HHAT: variants seen among roughly 807,000 people sequenced by gnomAD.
HHAT encodes the protein protein-cysteine N-palmitoyltransferase HHAT.
A neutral mutation model predicts 70.8 loss-of-function variants in HHAT; 47 were observed. The observed-to-expected ratio is 0.66, with a 90% CI of 0.53 to 0.85. The LOEUF (loss-of-function observed/expected upper bound fraction) is 0.85, where lower values mean the gene tolerates loss of function less well. Ranked by LOEUF, HHAT falls within the 40% of genes least tolerant of loss-of-function variation. HHAT has a pLI of 0.00. For synonymous variants in HHAT, 228 were observed against 247.6 expected (o/e 0.92, Z 0.74); for missense variants, 609 against 604.8 (o/e 1.01, Z -0.07).
At chr1:210,384,962 C>T (rs1402853004) in intron 3 of HHAT, among the ~76,000 whole-genome samples, 1 of 152,140 alleles carries the variant, frequency 6.6e-6, no homozygotes, top group Admixed American at 6.5e-5. Context: ...GAAGAATAGA[C>T]ATGAGAGAGA....
chr1:210,612,207 G>A (rs77688510), intron 10 of HHAT, among the ~76,000 whole-genome samples: 2,842 of 152,096 alleles, frequency 0.019, 93 homozygotes, highest in African/African-American at 0.065. Flanking sequence ...AACCACATTT[G>A]GGTATACAAT....
intron 7 of HHAT, among the ~76,000 whole-genome samples, chr1:210,431,948 T>C (rs750510741): frequency 8.6e-5 from 13 of 151,912 alleles, no homozygotes; most frequent in Non-Finnish European, 1.6e-4. Flanking sequence ...TTTATTCGAC[T>C]CTTAAAACAA....
At chr1:210,578,709 A>G (rs2148760001) in intron 9 of HHAT, among the ~76,000 whole-genome samples, 1 of 152,368 alleles carries the variant, frequency 6.6e-6, no homozygotes, top group South Asian at 2.1e-4. Context: ...ATTCAGTGAG[A>G]TAAGCCTGTA....
chr1:210,329,482 AAGTTAG>A (rs1349238231), intron 1 of HHAT: 1 of 1,021,666 alleles, frequency 9.8e-7, no homozygotes, highest in Non-Finnish European at 1.2e-6. Flanking sequence ...AGGGACTCTA[AAGTTAG>A]AGACTTCCTT....
chr1:210,370,163 C>CTT lies in HHAT; in HGVS notation c.159+7269_159+7270dup, dbSNP rs200442278. 9.2e-4 allele frequency among the ~76,000 whole-genome samples: 112 copies of CTT among 122,358 alleles called. 4 individuals are homozygous for CTT. Among genetic ancestry groups the CTT allele is most frequent in the Admixed American group, 2.1e-3 (25 of 11,804 alleles). The allele number at this position is 122,358 out of a possible 152,430, so 80.3% of individuals were successfully genotyped here. Reference sequence around the variant, plus strand: ...TATTTTCTCCTAGCTTCTTCAATGACTTTTTTTTTTTTTTTTTTTTTTTTT... The same window carrying CTT: ...TATTTTCTCCTAGCTTCTTCAATGACTTTTTTTTTTTTTTTTTTTTTTTTTTT... On this transcript the variant is annotated intron_variant, in intron 3 of 11. Coordinates refer to ENST00000261458, the MANE Select transcript of HHAT (RefSeq NM_018194.6).
intron 11 of HHAT, 151 bp downstream of exon 11, chr1:210,623,821 C>T: frequency 2.3e-6 from 2 of 867,286 alleles, no homozygotes; most frequent in Non-Finnish European, 3.5e-6. Flanking sequence ...GGAATAATTT[C>T]CTAAGTTTGA....
intron 11 of HHAT, among the ~76,000 whole-genome samples, chr1:210,639,606 C>T (rs1264800883): frequency 2.0e-5 from 3 of 152,190 alleles, no homozygotes; most frequent in Admixed American, 6.5e-5. Flanking sequence ...TTTGCTATGA[C>T]ATCTCAGTGT....
chr1:210,506,190 C>T (rs140850068), intron 8 of HHAT, among the ~76,000 whole-genome samples: 2 of 152,288 alleles, frequency 1.3e-5, no homozygotes, highest in Non-Finnish European at 2.9e-5. Context: ...CTAATGAGTA[C>T]AGCAGTCATA....
chr1:210,339,246 G>C (rs1416032), intron 1 of HHAT, among the ~76,000 whole-genome samples: 43,676 of 152,068 alleles, frequency 0.29, 6,445 homozygotes, highest in South Asian at 0.35. Context: ...ATATAAGAAG[G>C]TAGGGAACAA....
At chr1:210,394,336 C>T (rs2091654783) in intron 4 of HHAT, among the ~76,000 whole-genome samples, 1 of 143,850 alleles carries the variant, frequency 7.0e-6, no homozygotes, top group Admixed American at 7.4e-5. Flanking sequence ...GGATAAGGCT[C>T]TCTCTTTGGG....
chr1:210,460,105 T>G (rs1430722855), intron 7 of HHAT, among the ~76,000 whole-genome samples: 1 of 152,176 alleles, frequency 6.6e-6, no homozygotes, highest in African/African-American at 2.4e-5. Context: ...GAGATAGTGT[T>G]CAAAGATTGA....
chr1:210,529,675 C>A (rs767661673), intron 9 of HHAT, among the ~76,000 whole-genome samples: 5 of 152,128 alleles, frequency 3.3e-5, no homozygotes, highest in African/African-American at 1.2e-4. Context: ...AATGACAGGG[C>A]CTCCCACAGA....
Position 210,543,325 on chromosome 1 carries a change from A to G in HHAT, c.1043+30137A>G, listed in dbSNP as rs536080202. ...TTTTCCTCTAATTTTTCTCTGAAAA[A>G]TTAATAATGCTCCAGGGTGTTTTTC... is the stretch of plus-strand genomic sequence containing the variant. On this transcript the variant is annotated intron_variant, in intron 9 of 11. Transcript: ENST00000261458. Among the ~76,000 whole-genome samples, 33 of 151,780 alleles carry G rather than the reference A, an allele frequency of 2.2e-4. 1 individual carries two copies. Among genetic ancestry groups the G allele is most frequent in the Non-Finnish European group, 4.1e-4 (28 of 67,946 alleles).
intron 9 of HHAT, among the ~76,000 whole-genome samples, chr1:210,570,882 TCAGTC>T (rs1656120668): frequency 6.6e-6 from 1 of 152,104 alleles, no homozygotes; most frequent in South Asian, 2.1e-4. Context: ...GTTGCCCTGA[TCAGTC>T]CAGCCCATTC....
chr1:210,630,643 C>G (rs1222414381), intron 11 of HHAT, among the ~76,000 whole-genome samples: 3 of 152,206 alleles, frequency 2.0e-5, no homozygotes, highest in Non-Finnish European at 4.4e-5. Flanking sequence ...TCTCTCCCAC[C>G]CGCTCTCAGT....
chr1:210,332,224 A>G (rs891161931), intron 1 of HHAT, among the ~76,000 whole-genome samples: 3 of 152,232 alleles, frequency 2.0e-5, no homozygotes, highest in African/African-American at 7.2e-5. Context: ...GCCCAAGCAC[A>G]TACTACCCAA....
chr1:210,659,328 A>T (rs1447671510), intron 11 of HHAT, among the ~76,000 whole-genome samples: 3 of 152,248 alleles, frequency 2.0e-5, no homozygotes, highest in Admixed American at 2.0e-4. Flanking sequence ...ATAAACTAGA[A>T]AATCTAGAAG....
At chr1:210,514,848 T>C (rs1413932868) in intron 9 of HHAT, among the ~76,000 whole-genome samples, 1 of 152,236 alleles carries the variant, frequency 6.6e-6, no homozygotes, top group Non-Finnish European at 1.5e-5. Flanking sequence ...AAGCTTTCCA[T>C]GTGTTTATCC....
At chr1:210,652,559 C>G (rs1185011070) in intron 11 of HHAT, among the ~76,000 whole-genome samples, 1 of 152,208 alleles carries the variant, frequency 6.6e-6, no homozygotes, top group African/African-American at 2.4e-5. Context: ...CAGTCCCAGG[C>G]CTGGCCCTGC....
Sources: allele counts gnomAD v4.1 joint callset (sites outside exome capture counted in the v4.1 genomes callset), GRCh38; gene constraint gnomAD v4.1.1; transcripts MANE v1.5; gene names NCBI Gene and HGNC (gene_info 2026-07-23, HGNC 2026-07-21).